The following TRIM44 variants were observed in gnomAD, a reference collection of about 807,000 sequenced individuals.
TRIM44 encodes the protein tripartite motif containing 44.
Under a neutral mutation model 37.4 loss-of-function variants are expected in TRIM44, and 13 were observed. The observed-to-expected ratio is 0.35, with a 90% CI of 0.23 to 0.55. The LOEUF (loss-of-function observed/expected upper bound fraction) is 0.55, where lower values mean the gene tolerates loss of function less well. Among genes scored for constraint, TRIM44 ranks in the 20% least tolerant of loss-of-function variants. The pLI is 0.89. For synonymous variants in TRIM44, 175 were observed against 157.2 expected (o/e 1.11, Z -0.85); for missense variants, 426 against 437.2 (o/e 0.97, Z 0.23).
At chr11:35,679,935 C>A (rs566219322) in intron 1 of TRIM44, among the ~76,000 whole-genome samples, 3 of 152,256 alleles carry the variant, frequency 2.0e-5, no homozygotes, top group African/African-American at 7.2e-5. Context: ...AGTAGTAAAA[C>A]CTAGGTCTCC....
chr11:35,767,505 C>G lies in TRIM44; in HGVS notation c.1007+32060C>G, dbSNP rs141622582. 7.9e-5 allele frequency among the ~76,000 whole-genome samples: 12 copies of G among 151,958 alleles called. No individual in the cohort carries two copies. The East Asian group carries it at 2.1e-3, about 27-fold the overall frequency. On this transcript the variant is annotated intron_variant, in intron 4 of 4. Transcript: ENST00000299413. ...GTTGGAGGTGCTGCCAGCTCTTTTT[C>G]TTTGTCTTTTCTGTGGTTGTATTAT...
rs549090106 is a variant in TRIM44, at chr11:35,817,144, C to T, written c.*10759C>T. Reference sequence around the variant, plus strand: ...TTTATGGACTTAAACTGACTGACATCTTGATAATGCCCATATCCAGAGGTA... The same window carrying T: ...TTTATGGACTTAAACTGACTGACATTTTGATAATGCCCATATCCAGAGGTA... On this transcript the variant is annotated 3_prime_UTR_variant, in exon 5 of 5. Transcript: ENST00000299413. The T allele has an allele frequency of 3.2e-4, 49 of 152,292 alleles. No homozygotes were observed. Among genetic ancestry groups the T allele is most frequent in the African/African-American group, 1.1e-3 (45 of 41,570 alleles). The allele number at this position is 152,292 out of a possible 1,614,324, so 9.4% of individuals were successfully genotyped here.
At chr11:35,702,794 G>A (rs1037354841) in intron 2 of TRIM44, among the ~76,000 whole-genome samples, 2 of 152,212 alleles carry the variant, frequency 1.3e-5, no homozygotes, top group African/African-American at 4.8e-5. Flanking sequence ...GGCCGAATAG[G>A]AACAGCTCCA....
In TRIM44 at chr11:35,790,330, T is replaced by C. The variant is rs142066231; in HGVS notation, c.1008-16028T>C. ...CTACAGGAACAATTTTAATAGGGAC[T>C]TTAGGCTTAATGGCTTATGGGAGAT... On this transcript the variant is annotated intron_variant, in intron 4 of 4. Transcript: ENST00000299413. 1.8e-3 allele frequency among the ~76,000 whole-genome samples: 280 copies of C among 152,316 alleles called. 2 individuals carry two copies. The highest frequency in any genetic ancestry group is 6.5e-3 in the African/African-American group (269 of 41,574).
Position 35,813,646 on chromosome 11 carries a change from G to C in TRIM44, c.*7261G>C, listed in dbSNP as rs567915329. 3.9e-5 allele frequency: 6 copies of C among 152,212 alleles called. No individual in the cohort carries two copies. Among genetic ancestry groups the C allele is most frequent in the African/African-American group, 1.4e-4 (6 of 41,532 alleles). The allele number at this position is 152,212 out of a possible 1,614,324, so 9.4% of individuals were successfully genotyped here. On this transcript the variant is annotated 3_prime_UTR_variant, in exon 5 of 5. Coordinates refer to ENST00000299413, the MANE Select transcript of TRIM44 (RefSeq NM_017583.6). ...TCTATACACATCTCAATCTTTAAGAGCCTCACTGTATCATGGGACAATATT... is the reference window on the plus strand; with the variant it reads ...TCTATACACATCTCAATCTTTAAGACCCTCACTGTATCATGGGACAATATT...
chr11:35,775,370 C>T (rs188219117), intron 4 of TRIM44, among the ~76,000 whole-genome samples: 1 of 152,280 alleles, frequency 6.6e-6, no homozygotes, highest in Admixed American at 6.5e-5. Flanking sequence ...AGATTTTGGG[C>T]TGAAACAATG....
intron 4 of TRIM44, among the ~76,000 whole-genome samples, chr11:35,751,485 G>C (rs568507189): frequency 6.6e-6 from 1 of 152,322 alleles, no homozygotes; most frequent in East Asian, 1.9e-4. Context: ...GAGAAGGGCA[G>C]TGAGACCAGG....
intron 4 of TRIM44, among the ~76,000 whole-genome samples, chr11:35,782,631 G>T (rs1233390112): frequency 6.6e-6 from 1 of 152,018 alleles, no homozygotes; most frequent in Non-Finnish European, 1.5e-5. Flanking sequence ...CATGAGGGAG[G>T]GGTCAGAAGA....
chr11:35,705,875 A>G (rs1276518839), intron 2 of TRIM44, among the ~76,000 whole-genome samples: 2 of 148,772 alleles, frequency 1.3e-5, no homozygotes, highest in Admixed American at 6.7e-5. Flanking sequence ...GAGCAAACAC[A>G]TTCAAAAGCT....
At chr11:35,777,567 G>C (rs1029412139) in intron 4 of TRIM44, among the ~76,000 whole-genome samples, 1 of 152,092 alleles carries the variant, frequency 6.6e-6, no homozygotes, top group African/African-American at 2.4e-5. Context: ...TTACAATTTG[G>C]CATGTTTTTG....
At chr11:35,680,875 A>G (rs1340439463) in intron 1 of TRIM44, among the ~76,000 whole-genome samples, 4 of 151,906 alleles carry the variant, frequency 2.6e-5, no homozygotes, top group Non-Finnish European at 5.9e-5. Context: ...GCATGTTTTG[A>G]TGTGTTTGCA....
chr11:35,750,062 AAGACAGAAAAAC>A (rs1236881488), intron 4 of TRIM44, among the ~76,000 whole-genome samples: 3 of 152,232 alleles, frequency 2.0e-5, no homozygotes, highest in Non-Finnish European at 4.4e-5. Context: ...AAAATCATTA[AAGACAGAAAAAC>A]AGTGTGGCCA....
intron 4 of TRIM44, among the ~76,000 whole-genome samples, chr11:35,769,375 C>A (rs975460508): frequency 7.2e-5 from 11 of 152,204 alleles, no homozygotes; most frequent in Non-Finnish European, 1.6e-4. Flanking sequence ...CATCAGTTCA[C>A]AGTTGGCATT....
At chr11:35,687,358 G>A (rs962288334) in intron 2 of TRIM44, among the ~76,000 whole-genome samples, 1 of 152,224 alleles carries the variant, frequency 6.6e-6, no homozygotes, top group Admixed American at 6.5e-5. Context: ...GAAGTAGAGA[G>A]TTAGGTTGGT....
intron 3 of TRIM44, among the ~76,000 whole-genome samples, chr11:35,732,129 A>G (rs1163886063): frequency 6.6e-6 from 1 of 152,152 alleles, no homozygotes; most frequent in Non-Finnish European, 1.5e-5. Context: ...AATTCTGTGG[A>G]TGCATTCAAC....
At position 35,817,010 on chromosome 11, in the gene TRIM44, A is replaced by T. The variant is rs1247449593; in HGVS notation, c.*10625A>T. ...GTAAGTACCTCAAATTACCGTATGT[A>T]TTTACTTGTTCATAAGGTTGATGTC... is the stretch of plus-strand genomic sequence containing the variant. On this transcript the variant is annotated 3_prime_UTR_variant, in exon 5 of 5. Coordinates refer to ENST00000299413, the MANE Select transcript of TRIM44 (RefSeq NM_017583.6). The T allele has an allele frequency of 6.6e-6, 1 of 152,054 alleles. No homozygotes were observed. Among genetic ancestry groups the T allele is most frequent in the African/African-American group, 2.4e-5 (1 of 41,406 alleles). 9.4% of individuals were successfully genotyped at this position (152,054 alleles called of 1,614,324 possible).
Position 35,735,432 on chromosome 11 carries a change from G to C in TRIM44, c.994G>C (p.Glu332Gln). 2 of 1,613,714 alleles carry C rather than the reference G, an allele frequency of 1.2e-6. No homozygotes were observed. Among genetic ancestry groups the C allele is most frequent in the Non-Finnish European group, 8.5e-7 (1 of 1,179,706 alleles). Residue 332 changes from glutamate to glutamine, a missense_variant, in exon 4 of 5, where the codon GAG (glutamate) becomes CAG (glutamine). Physicochemically the swap from Glu to Gln is conservative, Grantham distance 29. This residue lies in a region of TRIM44 where 95 missense variants were observed against 134.2 expected (regional missense o/e 0.71). Coordinates refer to ENST00000299413, the MANE Select transcript of TRIM44 (RefSeq NM_017583.6). Reference protein sequence around the residue: ...ESAEPKAEGDEEGPSGASEEE... With the variant: ...ESAEPKAEGDQEGPSGASEEE... Reference sequence around the variant, plus strand: ...CTTTCTGTTTGTCTTTCAGGGCGATGAGGAAGGACCCAGGTAAGATCACAT... The same window carrying C: ...CTTTCTGTTTGTCTTTCAGGGCGATCAGGAAGGACCCAGGTAAGATCACAT...
At chr11:35,764,018 T>C (rs1447561171) in intron 4 of TRIM44, among the ~76,000 whole-genome samples, 2 of 152,180 alleles carry the variant, frequency 1.3e-5, no homozygotes, top group African/African-American at 2.4e-5. Context: ...AGAGAAACTT[T>C]ATGTTCCCCT....
At chr11:35,742,145 G>T (rs1852404851) in intron 4 of TRIM44, among the ~76,000 whole-genome samples, 1 of 151,698 alleles carries the variant, frequency 6.6e-6, no homozygotes, top group Non-Finnish European at 1.5e-5. Flanking sequence ...GTCTCACTTT[G>T]TTCCCCAAGC....
Sources: allele counts gnomAD v4.1 joint callset (sites outside exome capture counted in the v4.1 genomes callset), GRCh38; gene constraint gnomAD v4.1.1; regional missense constraint gnomAD v4.1.1; transcripts MANE v1.5; gene names NCBI Gene and HGNC (gene_info 2026-07-23, HGNC 2026-07-21).